The following THSD7A variants were observed in gnomAD, a reference collection of about 807,000 sequenced individuals.
THSD7A encodes thrombospondin type-1 domain-containing protein 7A.
A neutral mutation model predicts 231.3 loss-of-function variants in THSD7A; 96 were observed. That is an observed-to-expected ratio of 0.41 (90% CI 0.35 to 0.49). The LOEUF (loss-of-function observed/expected upper bound fraction) is 0.49. Ranked by LOEUF, THSD7A falls within the 20% of genes least tolerant of loss-of-function variation. THSD7A has a pLI of 0.05. For synonymous variants in THSD7A, 940 were observed against 743.3 expected, an observed-to-expected ratio of 1.26 and a Z score of -4.30; for missense variants, 2,290 against 2,070.2, an observed-to-expected ratio of 1.11 and a Z score of -2.06.
chr7:11,772,667 A>G (rs533179521), intron 1 of THSD7A, among the ~76,000 whole-genome samples: 73 of 152,328 alleles, frequency 4.8e-4, no homozygotes, highest in African/African-American at 1.7e-3. Flanking sequence ...AATGTTGAGT[A>G]TACATGGACA....
chr7:11,544,169 C>G (rs772369628), intron 4 of THSD7A, among the ~76,000 whole-genome samples: 2 of 152,010 alleles, frequency 1.3e-5, no homozygotes, highest in Non-Finnish European at 2.9e-5. Flanking sequence ...TGGTGAAACC[C>G]CGTCTCTACT....
intron 6 of THSD7A, among the ~76,000 whole-genome samples, chr7:11,516,519 T>G (rs553440646): frequency 4.6e-5 from 7 of 152,202 alleles, no homozygotes; most frequent in Admixed American, 2.6e-4. Context: ...CAAAAGCCCA[T>G]TGACCTTGCC....
chr7:11,457,156 A>G (rs1291306143), intron 11 of THSD7A, among the ~76,000 whole-genome samples: 6 of 152,016 alleles, frequency 3.9e-5, no homozygotes, highest in Non-Finnish European at 5.9e-5. Flanking sequence ...AATTCACTCT[A>G]TGGAAATGTT....
intron 23 of THSD7A, 93 bp downstream of exon 23, chr7:11,401,702 G>T: frequency 1.6e-6 from 2 of 1,214,430 alleles, no homozygotes; most frequent in Non-Finnish European, 1.1e-6. Flanking sequence ...GTGAGCCACC[G>T]CACGTGGCCA....
chr7:11,460,551 T>C, intron 11 of THSD7A, 111 bp downstream of exon 11: 4 of 735,362 alleles, frequency 5.4e-6, no homozygotes, highest in Non-Finnish European at 8.6e-6. Context: ...ATAGCAGATT[T>C]ATATCTGCTT....
intron 4 of THSD7A, among the ~76,000 whole-genome samples, chr7:11,575,711 G>T (rs1321641366): frequency 3.3e-5 from 5 of 152,100 alleles, no homozygotes; most frequent in Non-Finnish European, 7.4e-5. Flanking sequence ...GTCTATCCTT[G>T]GGTTATCCAG....
chr7:11,467,359 C>T (rs1785752785), intron 9 of THSD7A, among the ~76,000 whole-genome samples: 1 of 152,110 alleles, frequency 6.6e-6, no homozygotes, highest in Non-Finnish European at 1.5e-5. Context: ...GTAAGTCTTA[C>T]ATTATCTGGG....
intron 6 of THSD7A, 62 bp downstream of exon 6, chr7:11,541,357 A>G: frequency 6.6e-7 from 1 of 1,505,120 alleles, no homozygotes; most frequent in South Asian, 1.2e-5. Flanking sequence ...TTTTAACAGA[A>G]AGTAAAAACA....
chr7:11,729,042 C>T (rs1419617297), intron 1 of THSD7A, among the ~76,000 whole-genome samples: 1 of 150,852 alleles, frequency 6.6e-6, no homozygotes, highest in Non-Finnish European at 1.5e-5. Context: ...CTGCCCTGGT[C>T]AAAAAAAATG....
intron 6 of THSD7A, among the ~76,000 whole-genome samples, chr7:11,499,609 C>A (rs1386404948): frequency 6.6e-6 from 1 of 152,036 alleles, no homozygotes; most frequent in African/African-American, 2.4e-5. Context: ...GACAGCATAG[C>A]CAGTACAAAA....
chr7:11,615,985 G>A (rs983706281), intron 2 of THSD7A, among the ~76,000 whole-genome samples: 2 of 152,212 alleles, frequency 1.3e-5, no homozygotes, highest in African/African-American at 4.8e-5. Context: ...ACTGTGTACA[G>A]AGTAAGATTC....
chr7:11,751,718 C>A (rs992046388), intron 1 of THSD7A, among the ~76,000 whole-genome samples: 3 of 151,832 alleles, frequency 2.0e-5, no homozygotes, highest in East Asian at 1.9e-4. Context: ...TTAGACTTTA[C>A]GGTACACTGG....
At chr7:11,531,731 A>C (rs951993261) in intron 6 of THSD7A, among the ~76,000 whole-genome samples, 1 of 152,234 alleles carries the variant, frequency 6.6e-6, no homozygotes, top group Non-Finnish European at 1.5e-5. Context: ...TGGAGAAAAG[A>C]TGATGAGTTT....
At chr7:11,489,688 C>G (rs1379949050) in intron 6 of THSD7A, among the ~76,000 whole-genome samples, 2 of 151,988 alleles carry the variant, frequency 1.3e-5, no homozygotes, top group Non-Finnish European at 2.9e-5. Context: ...CTGTTCACCC[C>G]ACCCCCTAAC....
chr7:11,734,096 G>T lies in THSD7A; in HGVS notation c.191-97135C>A, dbSNP rs1583237088. On this transcript the variant is annotated intron_variant, in intron 1 of 27. Coordinates refer to ENST00000423059, the MANE Select transcript of THSD7A (RefSeq NM_015204.3). ...CTCTTCAACCCCTTCCTGTTGATTAGATGTCATGTCCAATTAGCCCCCAAA... is the reference window on the plus strand; with the variant it reads ...CTCTTCAACCCCTTCCTGTTGATTATATGTCATGTCCAATTAGCCCCCAAA... Among the ~76,000 whole-genome samples the T allele has an allele frequency of 2.6e-5, 4 of 151,960 alleles. No individual in the cohort carries two copies. The South Asian group carries it at 8.3e-4, about 32-fold the overall frequency.
intron 1 of THSD7A, among the ~76,000 whole-genome samples, chr7:11,725,209 T>C (rs1427626647): frequency 6.6e-6 from 1 of 151,998 alleles, no homozygotes; most frequent in Non-Finnish European, 1.5e-5. Flanking sequence ...AAGTAAATCC[T>C]ACTCTTTAAT....
intron 13 of THSD7A, among the ~76,000 whole-genome samples, chr7:11,441,817 C>T (rs1489458803): frequency 6.6e-6 from 1 of 151,726 alleles, no homozygotes; most frequent in Non-Finnish European, 1.5e-5. Flanking sequence ...ACATCACACA[C>T]TGGGGCCTGT....
intron 23 of THSD7A, among the ~76,000 whole-genome samples, chr7:11,401,162 TTG>T (rs1412414949): frequency 6.7e-6 from 1 of 149,634 alleles, no homozygotes; most frequent in African/African-American, 2.6e-5. Flanking sequence ...TTTTATTTAA[TTG>T]TGTCATTTGA....
chr7:11,827,895 C>A (rs1333835529), intron 1 of THSD7A, among the ~76,000 whole-genome samples: 1 of 152,192 alleles, frequency 6.6e-6, no homozygotes, highest in Non-Finnish European at 1.5e-5. Context: ...TGACTACAGG[C>A]ATGATGAAAA....
Sources: gnomAD v4.1 joint callset for allele counts (sites outside exome capture counted in the v4.1 genomes callset) on GRCh38, gnomAD v4.1.1 for gene constraint, MANE v1.5 for transcripts, NCBI Gene and HGNC (gene_info 2026-07-23, HGNC 2026-07-21) for gene names.